Variants in ZCCHC24 observed in about 807,000 individuals in gnomAD.
ZCCHC24 encodes zinc finger CCHC domain-containing protein 24.
In ZCCHC24, 10 loss-of-function variants were observed where a neutral mutation model predicts 26.2. The ratio of observed to expected loss-of-function variants is 0.38; its 90% CI spans 0.24 to 0.65. The LOEUF (loss-of-function observed/expected upper bound fraction) is 0.65, where lower values mean the gene tolerates loss of function less well. Ranked by LOEUF, ZCCHC24 falls within the 30% of genes least tolerant of loss-of-function variation. ZCCHC24 has a pLI of 0.54. For synonymous variants in ZCCHC24, 144 were observed against 147.1 expected (o/e 0.98, Z 0.15); for missense variants, 243 against 329.1 (o/e 0.74, Z 2.03).
At chr10:79,391,696 A>T (rs1199703691) in intron 3 of ZCCHC24, among the ~76,000 whole-genome samples, 1 of 151,394 alleles carries the variant, frequency 6.6e-6, no homozygotes, top group African/African-American at 2.4e-5. Context: ...CTGCCCTTCC[A>T]GGCTCCAAGC....
At position 79,445,092 on chromosome 10, in the gene ZCCHC24, G is replaced by C. The variant is rs1333859983; in HGVS notation, c.246+103C>G. On this transcript the variant is annotated intron_variant, in intron 1 of 3. Coordinates refer to ENST00000372336, the MANE Select transcript of ZCCHC24 (RefSeq NM_153367.4). ...AAGCCGGGCCCGGCAATGCGGAGCC[G>C]GGCCGCGCCAGGCCAGGAAGAGCGG... The C allele has an allele frequency of 6.1e-6, 7 of 1,139,430 alleles. No homozygotes were observed. The South Asian group carries it at 1.4e-4, about 22-fold the overall frequency. 70.6% of individuals were successfully genotyped at this position (1,139,430 alleles called of 1,614,324 possible). A position where few individuals can be genotyped will look rare whatever the true frequency, so the allele number is the denominator to read the frequency against.
At chr10:79,413,987 G>A (rs1856829992) in intron 2 of ZCCHC24, among the ~76,000 whole-genome samples, 1 of 152,212 alleles carries the variant, frequency 6.6e-6, no homozygotes, top group Non-Finnish European at 1.5e-5. Flanking sequence ...CCACCTTCCA[G>A]TCCTCTACAG....
At chr10:79,407,626 C>T (rs1185064402) in intron 2 of ZCCHC24, among the ~76,000 whole-genome samples, 1 of 152,178 alleles carries the variant, frequency 6.6e-6, no homozygotes, top group East Asian at 1.9e-4. Flanking sequence ...ATCCTGGTCA[C>T]AGTCTGTTAA....
At chr10:79,421,605 C>T (rs577996482) in intron 2 of ZCCHC24, among the ~76,000 whole-genome samples, 245 of 152,204 alleles carry the variant, frequency 1.6e-3, no homozygotes, top group Non-Finnish European at 2.9e-3. Context: ...CTGCCCCTCC[C>T]TGTATGCATT....
At chr10:79,429,018 C>T (rs1207448375) in intron 2 of ZCCHC24, among the ~76,000 whole-genome samples, 1 of 152,200 alleles carries the variant, frequency 6.6e-6, no homozygotes, top group Non-Finnish European at 1.5e-5. Context: ...AGCCCGGGCG[C>T]AGACGGCATC....
At chr10:79,406,796 C>T (rs1856720387) in intron 2 of ZCCHC24, among the ~76,000 whole-genome samples, 1 of 152,240 alleles carries the variant, frequency 6.6e-6, no homozygotes, top group Non-Finnish European at 1.5e-5. Flanking sequence ...TGCAACGCCG[C>T]ATGCCTCCTA....
chr10:79,436,987 C>G (rs932035611), intron 1 of ZCCHC24, among the ~76,000 whole-genome samples: 1 of 152,220 alleles, frequency 6.6e-6, no homozygotes, highest in Admixed American at 6.5e-5. Context: ...AGTGCTGGAA[C>G]TTCTCCAAGG....
intron 3 of ZCCHC24, among the ~76,000 whole-genome samples, chr10:79,388,468 G>A (rs986085118): frequency 6.6e-6 from 1 of 152,218 alleles, no homozygotes; most frequent in East Asian, 1.9e-4. Flanking sequence ...ACTGTAAGAA[G>A]ACTTCCCACC....
intron 2 of ZCCHC24, chr10:79,408,968 T>C (rs1451638900): frequency 6.6e-6 from 1 of 152,222 alleles, no homozygotes; most frequent in African/African-American, 2.4e-5. Context: ...ACTCGTAACT[T>C]GCCACAAAAC....
At position 79,432,534 on chromosome 10, in the gene ZCCHC24, C is replaced by A. The variant is rs753725791; in HGVS notation, c.447+24G>T. On this transcript the variant is annotated intron_variant, in intron 2 of 3. Transcript: ENST00000372336. ...AGGTCAGTAGGGGAGCCCAAGAGCA[C>A]CCCCTGGGCCAGGGCTGCCTTACCT... 3.8e-6 allele frequency: 6 copies of A among 1,586,184 alleles called. No individual in the cohort carries two copies. In the East Asian group the frequency reaches 9.2e-5, roughly 24 times the overall value.
chr10:79,420,867 A>G (rs1224458012), intron 2 of ZCCHC24, among the ~76,000 whole-genome samples: 1 of 152,234 alleles, frequency 6.6e-6, no homozygotes, highest in Admixed American at 6.5e-5. Context: ...TGTTATAAAC[A>G]CTTCAGATAA....
intron 2 of ZCCHC24, among the ~76,000 whole-genome samples, chr10:79,399,143 G>A (rs1856594305): frequency 6.6e-6 from 1 of 152,198 alleles, no homozygotes. Flanking sequence ...TACAGGGCAG[G>A]GGTAAAGGCA....
intron 2 of ZCCHC24, among the ~76,000 whole-genome samples, chr10:79,422,535 C>T (rs1175371877): frequency 6.6e-6 from 1 of 152,330 alleles, no homozygotes; most frequent in Non-Finnish European, 1.5e-5. Flanking sequence ...CCCAGCAAGA[C>T]CCTGAGACTA....
chr10:79,435,045 G>A (rs770253297), intron 1 of ZCCHC24, among the ~76,000 whole-genome samples: 1 of 152,046 alleles, frequency 6.6e-6, no homozygotes, highest in South Asian at 2.1e-4. Flanking sequence ...ACACCAGAAG[G>A]CCCCCTCCCC....
chr10:79,410,614 C>T (rs906670225), intron 2 of ZCCHC24, among the ~76,000 whole-genome samples: 6 of 152,210 alleles, frequency 3.9e-5, no homozygotes, highest in Non-Finnish European at 8.8e-5. Flanking sequence ...AGTCCAGGTC[C>T]TAGACCATAT....
At chr10:79,418,791 T>C (rs1856900311) in intron 2 of ZCCHC24, among the ~76,000 whole-genome samples, 1 of 152,134 alleles carries the variant, frequency 6.6e-6, no homozygotes, top group African/African-American at 2.4e-5. Context: ...ATTTCTTACC[T>C]CTTGAGGGCC....
In ZCCHC24 at chr10:79,445,447, G is replaced by T; in HGVS notation, c.-7C>A. 6.9e-7 allele frequency: 1 copy of T among 1,443,728 alleles called. No homozygotes were observed. The highest frequency in any genetic ancestry group is 9.2e-7 in the Non-Finnish European group (1 of 1,090,696). 89.4% of individuals were successfully genotyped at this position (1,443,728 alleles called of 1,614,324 possible). A position where few individuals can be genotyped will look rare whatever the true frequency, so the allele number is the denominator to read the frequency against. On this transcript the variant is annotated 5_prime_UTR_variant, in exon 1 of 4. Coordinates refer to ENST00000372336, the MANE Select transcript of ZCCHC24 (RefSeq NM_153367.4). Reference sequence around the variant, plus strand: ...TGGCCGACAGCAGGCTCATTTTGTGGCGGCGGTGCCGGCCCCTCCCCGGCC... The same window carrying T: ...TGGCCGACAGCAGGCTCATTTTGTGTCGGCGGTGCCGGCCCCTCCCCGGCC...
At chr10:79,425,232 A>G (rs542119002) in intron 2 of ZCCHC24, among the ~76,000 whole-genome samples, 3 of 152,184 alleles carry the variant, frequency 2.0e-5, no homozygotes, top group Non-Finnish European at 2.9e-5. Context: ...ACGAGATACC[A>G]GGCGACCCTG....
rs150078546 is a variant in ZCCHC24 at position 79,403,016 on chromosome 10, C to G, written c.448-8576G>C. Among the ~76,000 whole-genome samples, 352 of 152,340 alleles carry G rather than the reference C, an allele frequency of 2.3e-3. 3 individuals carry two copies. The highest frequency in any genetic ancestry group is 9.7e-3 in the South Asian group (47 of 4,824). The stretch of plus-strand genomic sequence containing the variant: ...GGAAACAAGACAGATGAAGAATGCC[C>G]TGTCTTCATGGAGCTCTCAGTCCAA... On this transcript the variant is annotated intron_variant, in intron 2 of 3. Transcript: ENST00000372336.
Sources: allele counts gnomAD v4.1 joint callset (sites outside exome capture counted in the v4.1 genomes callset), GRCh38; gene constraint gnomAD v4.1.1; transcripts MANE v1.5; gene names NCBI Gene and HGNC (gene_info 2026-07-23, HGNC 2026-07-21).